The following AOPEP variants were observed in gnomAD, a reference collection of about 807,000 sequenced individuals.
The protein encoded by AOPEP is aminopeptidase O.
AOPEP carries 77 observed loss-of-function variants against 98.1 expected under a neutral mutation model. The observed-to-expected ratio is 0.78, with a 90% CI of 0.65 to 0.95. The LOEUF (loss-of-function observed/expected upper bound fraction) is 0.95, where lower values mean the gene tolerates loss of function less well. AOPEP is among the 40% of genes least tolerant of loss of function. AOPEP has a pLI of 0.00. For synonymous variants in AOPEP, 346 were observed against 365.3 expected (o/e 0.95, Z 0.60); for missense variants, 1,024 against 1,024.7 (o/e 1.00, Z 0.01).
rs1037978193 is a variant in AOPEP, at chr9:94,774,945, ATTTTCT to A, written c.964+1778_964+1783del. 2.8e-4 allele frequency among the ~76,000 whole-genome samples: 43 copies of A among 151,788 alleles called. 1 individual carries two copies. Among genetic ancestry groups the A allele is most frequent in the Admixed American group, 2.8e-3 (43 of 15,244 alleles). ...CCTTATATGTTTCTTAACCATTTTC[ATTTTCT>A]GTTTATTTCCTTTGCCCATTTTTTA... On this transcript the variant is annotated intron_variant, in intron 3 of 16. Transcript: ENST00000375315.
chr9:94,787,705 TTTAA>T (rs1844746545), intron 3 of AOPEP, among the ~76,000 whole-genome samples: 1 of 152,232 alleles, frequency 6.6e-6, no homozygotes, highest in Non-Finnish European at 1.5e-5. Flanking sequence ...AAGATTACCT[TTTAA>T]TTAATTGATT....
intron 7 of AOPEP, 66 bp from the exon 8 acceptor site, chr9:94,955,111 T>A: frequency 1.2e-6 from 1 of 838,600 alleles, no homozygotes; most frequent in Admixed American, 2.2e-5. Context: ...ACAAATAAGA[T>A]GCTATTATGA....
chr9:94,766,489 A>C (rs1839650470), intron 2 of AOPEP, among the ~76,000 whole-genome samples: 1 of 152,196 alleles, frequency 6.6e-6, no homozygotes, highest in South Asian at 2.1e-4. Context: ...GTGAGCTGAG[A>C]TCGCGCCACT....
Position 94,997,350 on chromosome 9 carries a change from TTACTG to T in AOPEP, c.1978-7805_1978-7801del, listed in dbSNP as rs2061307220. 3.3e-5 allele frequency among the ~76,000 whole-genome samples: 5 copies of T among 152,338 alleles called. No homozygotes were observed. In the South Asian group the frequency reaches 1.0e-3, roughly 32 times the overall value. On this transcript the variant is annotated intron_variant, in intron 11 of 16. Transcript: ENST00000375315. ...GTGTCTGCCATCTGCCAAATTGGAC[TTACTG>T]TAGTAAAGCATAGTGAGTGGCTATC... is the stretch of plus-strand genomic sequence containing the variant.
At chr9:94,872,639 G>A (rs2046473490) in intron 5 of AOPEP, among the ~76,000 whole-genome samples, 1 of 152,116 alleles carries the variant, frequency 6.6e-6, no homozygotes, top group African/African-American at 2.4e-5. Flanking sequence ...CCCCAAATGA[G>A]GCAATAACTT....
At chr9:95,084,978 C>T (rs939494905) in intron 16 of AOPEP, among the ~76,000 whole-genome samples, 4 of 152,228 alleles carry the variant, frequency 2.6e-5, no homozygotes, top group African/African-American at 7.2e-5. Flanking sequence ...TTGTGTGTGT[C>T]GCATGGCCGG....
chr9:94,756,399 A>G (rs1310974420), intron 1 of AOPEP, among the ~76,000 whole-genome samples: 1 of 151,754 alleles, frequency 6.6e-6, no homozygotes, highest in Non-Finnish European at 1.5e-5. Flanking sequence ...CCTCGTCTCT[A>G]CAAAAATTTA....
At chr9:95,002,907 A>G (rs1449095241) in intron 11 of AOPEP, among the ~76,000 whole-genome samples, 1 of 152,226 alleles carries the variant, frequency 6.6e-6, no homozygotes, top group East Asian at 1.9e-4. Context: ...GACAAACGAG[A>G]CAAGAGGCAA....
At chr9:95,071,850 T>C (rs1179337681) in intron 14 of AOPEP, among the ~76,000 whole-genome samples, 1 of 152,234 alleles carries the variant, frequency 6.6e-6, no homozygotes, top group Non-Finnish European at 1.5e-5. Flanking sequence ...CCCTTTTTAA[T>C]GAGTCTGATT....
At chr9:95,080,572 C>T (rs2069628421) in intron 14 of AOPEP, 122 bp from the exon 15 acceptor site, 3 of 673,668 alleles carry the variant, frequency 4.5e-6, no homozygotes, top group Admixed American at 4.7e-5. Context: ...CTAAGTGTGT[C>T]AACAATGCCA....
intron 10 of AOPEP, among the ~76,000 whole-genome samples, chr9:94,976,266 C>T (rs1564471338): frequency 6.6e-6 from 1 of 151,928 alleles, no homozygotes; most frequent in Non-Finnish European, 1.5e-5. Context: ...GTTTTTCAGT[C>T]TTCTCTGGTG....
intron 3 of AOPEP, among the ~76,000 whole-genome samples, chr9:94,774,269 G>A (rs1478684791): frequency 1.6e-5 from 2 of 127,990 alleles, no homozygotes; most frequent in African/African-American, 3.0e-5. Context: ...CTGAGATGGC[G>A]CCACTGCACT....
intron 13 of AOPEP, among the ~76,000 whole-genome samples, chr9:95,011,547 C>A (rs994438947): frequency 6.6e-6 from 1 of 152,042 alleles, no homozygotes. Context: ...TGGTAACTCA[C>A]GCCTGTAATC....
chr9:94,902,979 G>A (rs967410363), intron 5 of AOPEP, among the ~76,000 whole-genome samples: 8 of 75,112 alleles, frequency 1.1e-4, no homozygotes, highest in Non-Finnish European at 2.0e-4. Flanking sequence ...TCTTGAACCC[G>A]AAAGATTTTT....
chr9:95,042,172 C>T (rs1026445429), intron 13 of AOPEP, among the ~76,000 whole-genome samples: 2 of 152,000 alleles, frequency 1.3e-5, no homozygotes, highest in Non-Finnish European at 1.5e-5. Context: ...ATTAGCTGGG[C>T]GTGGTGGCAG....
At chr9:95,097,860 GTATCT>G in the AOPEP span, among the ~76,000 whole-genome samples, 233 of 152,282 alleles carry the variant, frequency 1.5e-3, 2 homozygotes, top group African/African-American at 5.3e-3. Flanking sequence ...TGTACTTACT[GTATCT>G]TAATTTTTGT....
the AOPEP span, among the ~76,000 whole-genome samples, chr9:95,140,293 C>G: frequency 1.3e-5 from 2 of 152,116 alleles, no homozygotes; most frequent in Non-Finnish European, 2.9e-5. Flanking sequence ...TCTCCCCTGT[C>G]CAACAGACTC....
At position 94,821,970 on chromosome 9, in the gene AOPEP, AACACACACACAC is replaced by A. The variant is rs34645632; in HGVS notation, c.1364+20999_1364+21010del. Reference sequence around the variant, plus strand: ...TAGATCTGTGCACCCTGTGTGTGTAAACACACACACACACACACACACACACACACACACACA... The same window carrying A: ...TAGATCTGTGCACCCTGTGTGTGTAAACACACACACACACACACACACACA... On this transcript the variant is annotated intron_variant, in intron 5 of 16. Coordinates refer to ENST00000375315, the MANE Select transcript of AOPEP (RefSeq NM_001193329.3). 2.1e-3 allele frequency among the ~76,000 whole-genome samples: 303 copies of A among 141,448 alleles called. 1 individual carries two copies. The highest frequency in any genetic ancestry group is 0.014 in the East Asian group (66 of 4,768). The allele number at this position is 141,448 out of a possible 152,430, so 92.8% of individuals were successfully genotyped here. A position where few individuals can be genotyped will look rare whatever the true frequency, so the allele number is the denominator to read the frequency against.
intron 5 of AOPEP, among the ~76,000 whole-genome samples, chr9:94,858,175 T>C (rs536211860): frequency 4.6e-5 from 7 of 152,190 alleles, no homozygotes; most frequent in Non-Finnish European, 8.8e-5. Context: ...TGCTGATTCT[T>C]GGCCTAGGGT....
Sources: gnomAD v4.1 joint callset for allele counts (sites outside exome capture counted in the v4.1 genomes callset) on GRCh38, gnomAD v4.1.1 for gene constraint, MANE v1.5 for transcripts, NCBI Gene and HGNC (gene_info 2026-07-23, HGNC 2026-07-21) for gene names.